SLC25A13: variants seen among roughly 807,000 people sequenced by gnomAD.
The protein encoded by SLC25A13 is solute carrier family 25 member 13.
A neutral mutation model predicts 85.5 loss-of-function variants in SLC25A13; 70 were observed. The observed-to-expected ratio is 0.82, with a 90% CI of 0.68 to 1.00. The LOEUF is 1.00. Among genes scored for constraint, SLC25A13 ranks in the 50% least tolerant of loss-of-function variants. The pLI is 0.00. For synonymous variants in SLC25A13, 259 were observed against 288.7 expected (o/e 0.90, Z 1.04); for missense variants, 765 against 819.8 (o/e 0.93, Z 0.82).
chr7:96,256,915 T>G (rs1366994104), intron 3 of SLC25A13, among the ~76,000 whole-genome samples: 2 of 152,176 alleles, frequency 1.3e-5, no homozygotes, highest in African/African-American at 4.8e-5. Flanking sequence ...AGAAATTCAC[T>G]CAAAACCACA....
Position 96,196,363 on chromosome 7 carries a change from TAG to T in SLC25A13, c.469-3182_469-3181del, listed in dbSNP as rs1354064516. On this transcript the variant is annotated intron_variant, in intron 5 of 17. Transcript: ENST00000265631. Reference sequence around the variant, plus strand: ...TTCCCTAGTTTATAACTCAACATCTTAGAGATCCTCAGACAATTATACCAAAA... The same window carrying T: ...TTCCCTAGTTTATAACTCAACATCTTAGATCCTCAGACAATTATACCAAAA... Among the ~76,000 whole-genome samples, 7 of 152,284 alleles carry T rather than the reference TAG, an allele frequency of 4.6e-5. No homozygotes were observed. The East Asian group carries it at 1.4e-3, about 29-fold the overall frequency.
At chr7:96,155,988 T>C (rs1179246604) in intron 13 of SLC25A13, among the ~76,000 whole-genome samples, 1 of 152,226 alleles carries the variant, frequency 6.6e-6, no homozygotes, top group African/African-American at 2.4e-5. Flanking sequence ...AAAAAGCAGA[T>C]TCAATACAAC....
chr7:96,227,280 A>G (rs1190472324), intron 4 of SLC25A13, among the ~76,000 whole-genome samples: 1 of 152,216 alleles, frequency 6.6e-6, no homozygotes, highest in Non-Finnish European at 1.5e-5. Context: ...GTAGTGAGAT[A>G]TAGACAGACT....
chr7:96,176,015 G>C (rs7777944), intron 11 of SLC25A13, among the ~76,000 whole-genome samples: 4,238 of 152,256 alleles, frequency 0.028, 191 homozygotes, highest in African/African-American at 0.097. Context: ...GCCCACTACA[G>C]ATGTGGGCCT....
At chr7:96,294,222 T>C (rs1045838886) in intron 2 of SLC25A13, among the ~76,000 whole-genome samples, 12 of 151,568 alleles carry the variant, frequency 7.9e-5, no homozygotes, top group African/African-American at 2.2e-4. Context: ...TAGGTGGGAA[T>C]TGAACAATGA....
At chr7:96,315,222 C>T (rs965706760) in intron 1 of SLC25A13, among the ~76,000 whole-genome samples, 4 of 152,334 alleles carry the variant, frequency 2.6e-5, no homozygotes, top group Admixed American at 2.0e-4. Flanking sequence ...TGAACTGACA[C>T]ACCAGGGACT....
chr7:96,168,690 C>T (rs1276007618), intron 13 of SLC25A13, among the ~76,000 whole-genome samples: 2 of 152,124 alleles, frequency 1.3e-5, no homozygotes, highest in Admixed American at 1.3e-4. Flanking sequence ...CATTTTAATT[C>T]TTACAGAAAT....
rs542219241 is a variant in SLC25A13, at chr7:96,204,242, A to G, written c.468+4596T>C. On this transcript the variant is annotated intron_variant, in intron 5 of 17. Coordinates refer to ENST00000265631, the MANE Select transcript of SLC25A13 (RefSeq NM_014251.3). ...AATATTTAAAAGCACTTTGTAAATT[A>G]TAAACATTATACAGATATTAGTTAT... 6.6e-5 allele frequency among the ~76,000 whole-genome samples: 10 copies of G among 152,386 alleles called. No homozygotes were observed. The South Asian group carries it at 1.7e-3, about 25-fold the overall frequency.
intron 2 of SLC25A13, chr7:96,283,382 G>GAGGC (rs2116957500): frequency 8.3e-6 from 3 of 360,544 alleles, no homozygotes; most frequent in South Asian, 7.7e-5. Context: ...GGAAAGAGGA[G>GAGGC]AGGCACTCAA....
chr7:96,216,668 C>A (rs191063703), intron 4 of SLC25A13, among the ~76,000 whole-genome samples: 2 of 152,078 alleles, frequency 1.3e-5, no homozygotes, highest in African/African-American at 4.8e-5. Flanking sequence ...AAATACTGTA[C>A]GCTCTGACTT....
rs1794836508 is a variant in SLC25A13, at chr7:96,191,238, C to T, written c.625G>A (p.Gly209Ser). The T allele has an allele frequency of 4.3e-6, 7 of 1,613,724 alleles. No individual in the cohort carries two copies. Among genetic ancestry groups the T allele is most frequent in the Non-Finnish European group, 5.9e-6 (7 of 1,179,902 alleles). The change falls in exon 7 of 18, where the codon GGT (glycine) becomes AGT (serine). Residue 209 changes from glycine (G) to serine (S), a missense_variant. Physicochemically the swap from Gly to Ser is moderately conservative, Grantham distance 56. Transcript: ENST00000265631. ...AAACTAACTTGATGGGATGTGGTAC[C>T]TCCAGCAGCCTCAAATAAATTGAAA... is the stretch of plus-strand genomic sequence containing the variant. Reference protein sequence around the residue: ...VEECLVAAAGGTTSHQVSFSY... With the variant: ...VEECLVAAAGSTTSHQVSFSY...
chr7:96,291,011 T>C (rs1329626366), intron 2 of SLC25A13, among the ~76,000 whole-genome samples: 8 of 152,192 alleles, frequency 5.3e-5, no homozygotes, highest in Non-Finnish European at 5.9e-5. Flanking sequence ...TATTCCAAAA[T>C]TGACCACATA....
At chr7:96,319,805 A>G (rs1339410158) in intron 1 of SLC25A13, among the ~76,000 whole-genome samples, 4 of 152,192 alleles carry the variant, frequency 2.6e-5, no homozygotes, top group Admixed American at 6.5e-5. Context: ...GCCATCAGAT[A>G]TCACAGAAAG....
At chr7:96,155,921 C>T (rs1052219903) in intron 13 of SLC25A13, among the ~76,000 whole-genome samples, 4 of 152,316 alleles carry the variant, frequency 2.6e-5, no homozygotes, top group South Asian at 2.1e-4. Flanking sequence ...AATGTGAACG[C>T]GACTTGCCCA....
At chr7:96,189,754 T>A in intron 7 of SLC25A13, 80 bp from the exon 8 acceptor site, 1 of 1,095,044 alleles carries the variant, frequency 9.1e-7, no homozygotes, top group South Asian at 1.2e-5. Context: ...GGCACTGGAA[T>A]GAGTGAACAT....
chr7:96,313,383 T>A (rs556468564), intron 1 of SLC25A13, among the ~76,000 whole-genome samples: 3 of 152,284 alleles, frequency 2.0e-5, no homozygotes, highest in African/African-American at 7.2e-5. Flanking sequence ...CAATGGTGAA[T>A]TGCATAAAGA....
intron 4 of SLC25A13, among the ~76,000 whole-genome samples, chr7:96,231,769 A>ATATT (rs924499954): frequency 6.6e-6 from 1 of 152,052 alleles, no homozygotes; most frequent in Non-Finnish European, 1.5e-5. Context: ...ACATGAACAG[A>ATATT]TATTTTCAAA....
At chr7:96,231,008 G>A (rs1796520535) in intron 4 of SLC25A13, among the ~76,000 whole-genome samples, 1 of 152,184 alleles carries the variant, frequency 6.6e-6, no homozygotes, top group Non-Finnish European at 1.5e-5. Context: ...CTACTTGGGA[G>A]GCTGAGGCAC....
chr7:96,215,295 C>T (rs1192131960), intron 4 of SLC25A13, among the ~76,000 whole-genome samples: 1 of 152,116 alleles, frequency 6.6e-6, no homozygotes, highest in Admixed American at 6.6e-5. Context: ...CAGGGTTTCA[C>T]CATGTTGGTC....
Sources: allele counts gnomAD v4.1 joint callset (sites outside exome capture counted in the v4.1 genomes callset), GRCh38; gene constraint gnomAD v4.1.1; transcripts MANE v1.5; gene names NCBI Gene and HGNC (gene_info 2026-07-23, HGNC 2026-07-21).